SPRY3: variants seen among roughly 807,000 people sequenced by gnomAD.
SPRY3 encodes sprouty RTK signaling antagonist 3.
Under a neutral mutation model 20.2 loss-of-function variants are expected in SPRY3, and 15 were observed. The ratio of observed to expected loss-of-function variants is 0.74; its 90% CI spans 0.50 to 1.14. SPRY3 has a LOEUF of 1.14. SPRY3 is among the 50% of genes most tolerant of loss of function. SPRY3 has a pLI of 0.00. For synonymous variants in SPRY3, 143 were observed against 136.5 expected (o/e 1.05, Z -0.33); for missense variants, 364 against 363.9 (o/e 1.00, Z 0.00).
intron 2 of SPRY3, among the ~76,000 whole-genome samples, chrX:155,733,724 A>C (rs2091149917): frequency 6.6e-6 from 1 of 152,128 alleles, no homozygotes; most frequent in Non-Finnish European, 1.5e-5. Flanking sequence ...TTCTTCCAAC[A>C]GAAGACTGTT....
intron 1 of SPRY3, among the ~76,000 whole-genome samples, chrX:155,651,286 TG>T (rs1485052325): frequency 3.6e-5 from 4 of 110,435 alleles, no homozygotes; most frequent in African/African-American, 1.3e-4. Context: ...CTTAAACTCT[TG>T]GTCTCGAGTG....
chrX:155,767,518 G>C (rs1014640418), intron 2 of SPRY3, among the ~76,000 whole-genome samples: 1 of 151,778 alleles, frequency 6.6e-6, no homozygotes, highest in Non-Finnish European at 1.5e-5. Context: ...GATTGGAGGA[G>C]AGGGAGACCA....
At chrX:155,627,461 T>G (rs1361168499) in intron 1 of SPRY3, among the ~76,000 whole-genome samples, 2 of 111,922 alleles carry the variant, frequency 1.8e-5, no homozygotes, top group African/African-American at 6.5e-5. Context: ...ATATTTCAAG[T>G]GGTATATATG....
chrX:155,725,723 G>A (rs2091092750), intron 2 of SPRY3, among the ~76,000 whole-genome samples: 2 of 151,742 alleles, frequency 1.3e-5, no homozygotes, highest in African/African-American at 4.8e-5. Context: ...CTTCTTATTA[G>A]TCTTGCTAGC....
At chrX:155,677,447 C>T (rs1032110449) in intron 2 of SPRY3, among the ~76,000 whole-genome samples, 28 of 111,777 alleles carry the variant, frequency 2.5e-4, no homozygotes, top group Admixed American at 1.8e-3. Context: ...GTGTAATTCA[C>T]TCTCCTTCCT....
chrX:155,767,720 A>AAGAGGAGGAGGAGGAGAGAG, intron 2 of SPRY3: 1 of 64,522 alleles, frequency 1.5e-5, no homozygotes, highest in East Asian at 4.1e-4. Flanking sequence ...GAGGAGGAGA[A>AAGAGGAGGAGGAGGAGAGAG]AGAGGAGGAG....
intron 2 of SPRY3, among the ~76,000 whole-genome samples, chrX:155,704,615 A>T (rs2090936288): frequency 6.6e-6 from 1 of 151,718 alleles, no homozygotes; most frequent in Non-Finnish European, 1.5e-5. Context: ...TTTAAAAAAT[A>T]ATGACTGAGA....
intron 2 of SPRY3, among the ~76,000 whole-genome samples, chrX:155,671,599 T>C (rs967855803): frequency 9.0e-6 from 1 of 111,090 alleles, no homozygotes; most frequent in South Asian, 3.7e-4. Flanking sequence ...TTTATATGTA[T>C]GTATGTATCT....
chrX:155,774,892 C>A, exon 4 of SPRY3: 1 of 817,740 alleles, frequency 1.2e-6, no homozygotes, highest in East Asian at 2.6e-5. Flanking sequence ...CAAGTACATC[C>A]TGGTGCAGGA....
intron 1 of SPRY3, among the ~76,000 whole-genome samples, chrX:155,652,974 T>C (rs1343888580): frequency 1.8e-5 from 2 of 112,014 alleles, no homozygotes; most frequent in Non-Finnish European, 3.8e-5. Context: ...TGATTAATAT[T>C]GAGCCTCTTT....
intron 1 of SPRY3, among the ~76,000 whole-genome samples, chrX:155,622,058 TTC>T (rs2067873144): frequency 9.0e-6 from 1 of 111,642 alleles, no homozygotes; most frequent in Admixed American, 9.5e-5. Flanking sequence ...GTCAACAGGC[TTC>T]ATGTAGAAGC....
intron 2 of SPRY3, among the ~76,000 whole-genome samples, chrX:155,692,391 C>G (rs898827647): frequency 4.5e-5 from 5 of 111,416 alleles, no homozygotes; most frequent in African/African-American, 1.6e-4. Flanking sequence ...TTTCAGTGAC[C>G]TATATGTCTA....
chrX:155,635,557 A>G (rs1266825598), intron 1 of SPRY3, among the ~76,000 whole-genome samples: 5 of 112,073 alleles, frequency 4.5e-5, no homozygotes, highest in African/African-American at 1.6e-4. Flanking sequence ...GGCAAAGGAT[A>G]TGAACAGACC....
At chrX:155,629,645 T>G (rs1557350263) in intron 1 of SPRY3, among the ~76,000 whole-genome samples, 1 of 111,816 alleles carries the variant, frequency 8.9e-6, no homozygotes, top group Non-Finnish European at 1.9e-5. Context: ...CGTTCCTATT[T>G]CTCCACATCC....
intron 2 of SPRY3, among the ~76,000 whole-genome samples, chrX:155,720,388 A>G (rs2091049327): frequency 6.6e-6 from 1 of 152,152 alleles, no homozygotes; most frequent in Non-Finnish European, 1.5e-5. Flanking sequence ...CCTTGAAGGG[A>G]AGGACACAGG....
chrX:155,773,307 G>GCATT (rs4013148), intron 3 of SPRY3, among the ~76,000 whole-genome samples: 1 of 120,740 alleles, frequency 8.3e-6, no homozygotes, highest in Admixed American at 8.6e-5. Context: ...ATTTTGATTG[G>GCATT]ATATATATAT....
intron 2 of SPRY3, among the ~76,000 whole-genome samples, chrX:155,724,929 C>A (rs306918): frequency 1.3e-5 from 2 of 151,970 alleles, no homozygotes; most frequent in Non-Finnish European, 2.9e-5. Flanking sequence ...AGTTTTTGCC[C>A]ATTCAGTATG....
intron 2 of SPRY3, among the ~76,000 whole-genome samples, chrX:155,676,155 G>A (rs1557355217): frequency 9.0e-6 from 1 of 110,624 alleles, no homozygotes; most frequent in Non-Finnish European, 1.9e-5. Flanking sequence ...TCACCAAGAA[G>A]GATCTAATTC....
At chrX:155,765,417 A>G (rs67804731) in intron 2 of SPRY3, among the ~76,000 whole-genome samples, 38,626 of 152,002 alleles carry the variant, frequency 0.25, 6,064 homozygotes, top group African/African-American at 0.45. Flanking sequence ...ATTCATTAAT[A>G]TGCCTCATAG....
Sources: gnomAD v4.1 joint callset for allele counts (sites outside exome capture counted in the v4.1 genomes callset) on GRCh38, gnomAD v4.1.1 for gene constraint, MANE v1.5 for transcripts, NCBI Gene and HGNC (gene_info 2026-07-23, HGNC 2026-07-21) for gene names.